Variants in DNAH6 observed in about 807,000 individuals in gnomAD.
The protein encoded by DNAH6 is axonemal beta dynein heavy chain 6.
In DNAH6, 340 loss-of-function variants were observed where a neutral mutation model predicts 491.4. The observed-to-expected ratio is 0.69, with a 90% CI of 0.63 to 0.76. DNAH6 has a LOEUF of 0.76. DNAH6 is among the 30% of genes least tolerant of loss of function. DNAH6 has a pLI of 0.00. For synonymous variants in DNAH6, 1,603 were observed against 1,686.1 expected, an observed-to-expected ratio of 0.95 and a Z score of 1.21; for missense variants, 4,443 against 4,972.2, an observed-to-expected ratio of 0.89 and a Z score of 3.20.
At chr2:84,732,232 C>T (rs748553254) in intron 61 of DNAH6, among the ~76,000 whole-genome samples, 42 of 152,110 alleles carry the variant, frequency 2.8e-4, no homozygotes, top group African/African-American at 8.9e-4. Flanking sequence ...TTATTCAAGA[C>T]GCCTGGGCCC....
intron 18 of DNAH6, among the ~76,000 whole-genome samples, chr2:84,598,583 G>A (rs760131447): frequency 1.7e-4 from 26 of 152,140 alleles, no homozygotes; most frequent in Non-Finnish European, 3.4e-4. Flanking sequence ...TTGCCAAAAT[G>A]TTTTCCAAAG....
chr2:84,745,809 G>A (rs1573679492), intron 63 of DNAH6, among the ~76,000 whole-genome samples: 1 of 152,274 alleles, frequency 6.6e-6, no homozygotes, highest in South Asian at 2.1e-4. Flanking sequence ...GCTCTCTGCT[G>A]GAGGGATGGA....
intron 40 of DNAH6, among the ~76,000 whole-genome samples, chr2:84,674,951 G>A (rs1693090365): frequency 6.6e-6 from 1 of 152,172 alleles, no homozygotes; most frequent in Non-Finnish European, 1.5e-5. Flanking sequence ...GTCCCACTGA[G>A]GCATAAGGCT....
intron 60 of DNAH6, among the ~76,000 whole-genome samples, chr2:84,724,735 C>T (rs1355830648): frequency 2.0e-5 from 3 of 152,254 alleles, no homozygotes; most frequent in East Asian, 1.9e-4. Context: ...CTCCTTGTGG[C>T]GTGGGCTTCT....
intron 5 of DNAH6, among the ~76,000 whole-genome samples, chr2:84,546,286 T>C (rs1247794950): frequency 1.3e-5 from 2 of 152,312 alleles, no homozygotes; most frequent in East Asian, 3.9e-4. Context: ...TATTTGCATA[T>C]AACCTACAAA....
At chr2:84,505,761 G>C in the DNAH6 span, among the ~76,000 whole-genome samples, 1 of 151,812 alleles carries the variant, frequency 6.6e-6, no homozygotes, top group Non-Finnish European at 1.5e-5. Flanking sequence ...TCCTGTGTCC[G>C]TGTGTTCTCA....
At chr2:84,591,922 C>T (rs1276089881) in intron 16 of DNAH6, among the ~76,000 whole-genome samples, 1 of 152,052 alleles carries the variant, frequency 6.6e-6, no homozygotes, top group Non-Finnish European at 1.5e-5. Flanking sequence ...AAGCTGAACC[C>T]TTACACAAAA....
chr2:84,496,938 G>A, the DNAH6 span, among the ~76,000 whole-genome samples: 1 of 149,920 alleles, frequency 6.7e-6, no homozygotes, highest in African/African-American at 2.5e-5. Flanking sequence ...ATTTTCTAGA[G>A]ATTCATATAA....
chr2:84,736,106 ATAGAG>A (rs1172514884), intron 62 of DNAH6, among the ~76,000 whole-genome samples: 2 of 152,138 alleles, frequency 1.3e-5, no homozygotes, highest in African/African-American at 2.4e-5. Context: ...CATTTATTGA[ATAGAG>A]TATTCTTTCC....
intron 68 of DNAH6, among the ~76,000 whole-genome samples, chr2:84,792,907 G>A (rs1228899030): frequency 1.3e-5 from 2 of 152,212 alleles, no homozygotes; most frequent in Non-Finnish European, 2.9e-5. Flanking sequence ...TTAAATACTG[G>A]AAGGTGTTTG....
At chr2:84,662,344 C>A (rs1027427113) in intron 37 of DNAH6, among the ~76,000 whole-genome samples, 1 of 152,178 alleles carries the variant, frequency 6.6e-6, no homozygotes, top group Admixed American at 6.5e-5. Flanking sequence ...GGGTAATTCC[C>A]TTTCCTAGCC....
At chr2:84,713,746 C>T (rs998553080) in intron 57 of DNAH6, among the ~76,000 whole-genome samples, 1 of 152,202 alleles carries the variant, frequency 6.6e-6, no homozygotes, top group Admixed American at 6.5e-5. Flanking sequence ...CAAATGCCCA[C>T]AGCATATGTG....
intron 4 of DNAH6, among the ~76,000 whole-genome samples, chr2:84,529,407 A>T (rs900098326): frequency 6.6e-6 from 1 of 152,120 alleles, no homozygotes; most frequent in African/African-American, 2.4e-5. Flanking sequence ...ATGTAATGTT[A>T]TACCATATAT....
Position 84,624,586 on chromosome 2 carries a change from G to A in DNAH6, c.4319G>A (p.Gly1440Asp), listed in dbSNP as rs954145422. 6.4e-7 allele frequency: 1 copy of A among 1,551,544 alleles called. No homozygotes were observed. The highest frequency in any genetic ancestry group is 2.4e-5 in the East Asian group (1 of 40,900). Reference sequence around the variant, plus strand: ...TACACTTATGGCTATGAATATTTGGGTGCATGCCCAAGATTGGTTATTACT... The same window carrying A: ...TACACTTATGGCTATGAATATTTGGATGCATGCCCAAGATTGGTTATTACT... The part of the protein sequence containing the change: ...SQYTYGYEYL[G>D]ACPRLVITPL... The change falls in exon 28 of 77, where the codon GGT (glycine) becomes GAT (aspartate). Residue 1440 changes from glycine (G) to aspartate (D), a missense_variant. Coordinates refer to ENST00000389394, the MANE Select transcript of DNAH6 (RefSeq NM_001370.2).
chr2:84,547,192 T>A (rs977616716), intron 5 of DNAH6, 76 bp from the exon 6 acceptor site: 1 of 1,262,286 alleles, frequency 7.9e-7, no homozygotes, highest in African/African-American at 1.5e-5. Context: ...TAATAACTAT[T>A]CTTGCTTTTT....
the DNAH6 span, among the ~76,000 whole-genome samples, chr2:84,501,266 G>T: frequency 2.6e-5 from 4 of 152,246 alleles, no homozygotes; most frequent in South Asian, 2.1e-4. Flanking sequence ...TGCTTTTTCA[G>T]CATCAATTGA....
intron 74 of DNAH6, among the ~76,000 whole-genome samples, chr2:84,813,741 C>T (rs1680225158): frequency 6.6e-6 from 1 of 152,214 alleles, no homozygotes; most frequent in South Asian, 2.1e-4. Context: ...CCTTCCCTCC[C>T]TTCCCAGCCA....
chr2:84,739,877 T>C (rs533604069), intron 62 of DNAH6, among the ~76,000 whole-genome samples: 117 of 152,338 alleles, frequency 7.7e-4, no homozygotes, highest in African/African-American at 2.7e-3. Context: ...ATATCTGTCA[T>C]TTCAGACATT....
chr2:84,629,099 A>C (rs1688151349), intron 29 of DNAH6, among the ~76,000 whole-genome samples: 1 of 152,028 alleles, frequency 6.6e-6, no homozygotes, highest in South Asian at 2.1e-4. Context: ...CTAATACTAT[A>C]GCTCTATTTT....
Sources: allele counts gnomAD v4.1 joint callset (sites outside exome capture counted in the v4.1 genomes callset), GRCh38; gene constraint gnomAD v4.1.1; transcripts MANE v1.5; gene names NCBI Gene and HGNC (gene_info 2026-07-23, HGNC 2026-07-21).